The following COL24A1 variants were observed in gnomAD, a reference collection of about 807,000 sequenced individuals.
The protein encoded by COL24A1 is collagen alpha-1(XXIV) chain.
Under a neutral mutation model 253.9 loss-of-function variants are expected in COL24A1, and 224 were observed. That is an observed-to-expected ratio of 0.88 (90% confidence interval 0.79 to 0.99). The LOEUF is 0.99. Ranked by LOEUF, COL24A1 falls within the 50% of genes least tolerant of loss-of-function variation. The pLI, the probability that COL24A1 is intolerant of heterozygous loss-of-function variation, is 0.00. For synonymous variants in COL24A1, 685 were observed against 673.7 expected (o/e 1.02, Z -0.26); for missense variants, 2,131 against 2,068.5 (o/e 1.03, Z -0.59).
At chr1:85,827,358 G>A (rs1674510262) in intron 43 of COL24A1, among the ~76,000 whole-genome samples, 1 of 151,154 alleles carries the variant, frequency 6.6e-6, no homozygotes, top group African/African-American at 2.4e-5. Context: ...TTGCATCAAT[G>A]TTCATCAAGG....
chr1:86,046,001 A>G (rs1699873648), intron 12 of COL24A1: 1 of 265,280 alleles, frequency 3.8e-6, no homozygotes, highest in Non-Finnish European at 7.6e-6. Flanking sequence ...TGATCTGAGC[A>G]AGTCTTTTAA....
At chr1:85,788,672 C>T (rs191782127) in intron 47 of COL24A1, among the ~76,000 whole-genome samples, 73 of 152,248 alleles carry the variant, frequency 4.8e-4, no homozygotes, top group South Asian at 2.1e-4. Context: ...CCTAGATTTT[C>T]TTCTAGGGTT....
rs554954821 is a variant in COL24A1 at position 85,842,419 on chromosome 1, A to G, written c.3463-26T>C. 32 of 1,432,894 alleles carry G rather than the reference A, an allele frequency of 2.2e-5. No homozygotes were observed. In the African/African-American group the frequency reaches 4.5e-4, roughly 20 times the overall value. The allele number at this position is 1,432,894 out of a possible 1,614,324, so 88.8% of individuals were successfully genotyped here. A position where few individuals can be genotyped will look rare whatever the true frequency, so the allele number is the denominator to read the frequency against. On this transcript the variant is annotated intron_variant, in intron 39 of 59. Transcript: ENST00000370571. ...CTGAAAAACAAAGTAAATATTAGTG[A>G]GAGAGAGAAAGTAAAGAATTGTTTA...
Position 85,772,640 on chromosome 1 carries a change from A to G in COL24A1, c.4374+3034T>C, listed in dbSNP as rs1668105168. Among the ~76,000 whole-genome samples, 2 of 152,070 alleles carry G rather than the reference A, an allele frequency of 1.3e-5. 1 individual carries two copies. Among genetic ancestry groups the G allele is most frequent in the South Asian group, 4.1e-4 (2 of 4,822 alleles). ...GACCAGTGATGATGAGCATTTTTTCACATGTCTGTTGGCTGCATAAATGTC... is the reference window on the plus strand; with the variant it reads ...GACCAGTGATGATGAGCATTTTTTCGCATGTCTGTTGGCTGCATAAATGTC... On this transcript the variant is annotated intron_variant, in intron 53 of 59. Coordinates refer to ENST00000370571, the MANE Select transcript of COL24A1 (RefSeq NM_152890.7).
At chr1:85,742,122 C>T (rs1298343656) in intron 57 of COL24A1, among the ~76,000 whole-genome samples, 4 of 138,782 alleles carry the variant, frequency 2.9e-5, no homozygotes. Context: ...AGTTTTTAGA[C>T]CTCATTTCTT....
At chr1:85,857,311 C>T (rs1678543272) in intron 37 of COL24A1, among the ~76,000 whole-genome samples, 1 of 151,636 alleles carries the variant, frequency 6.6e-6, no homozygotes, top group Non-Finnish European at 1.5e-5. Flanking sequence ...GTGATCACTA[C>T]TCTAGGAATA....
At position 85,838,634 on chromosome 1, in the gene COL24A1, G is replaced by A. The variant is rs147006450; in HGVS notation, c.3632C>T (p.Pro1211Leu). The change falls in exon 43 of 60, where the codon CCA becomes CTA. Residue 1211 changes from proline to leucine, a missense_variant. By Grantham distance (98) the Pro-to-Leu change is moderately conservative. Coordinates refer to ENST00000370571, the MANE Select transcript of COL24A1 (RefSeq NM_152890.7). The part of the protein sequence containing the change: ...GPPGPRGEPG[P>L]VGDQGERGEP... ...TCCTCTCTCTCCTTGGTCCCCCACT[G>A]GACCCTACAGAGACCACACACAAAA... 306 of 1,613,780 alleles carry A rather than the reference G, an allele frequency of 1.9e-4. No individual in the cohort carries two copies. The East Asian group carries it at 4.1e-3, about 22-fold the overall frequency.
At chr1:86,025,883 T>C (rs1311661873) in intron 14 of COL24A1, among the ~76,000 whole-genome samples, 1 of 152,160 alleles carries the variant, frequency 6.6e-6, no homozygotes, top group Non-Finnish European at 1.5e-5. Context: ...CCCACCCCAT[T>C]CATATACAAT....
At chr1:86,039,541 C>T (rs1202267605) in intron 12 of COL24A1, among the ~76,000 whole-genome samples, 1 of 152,108 alleles carries the variant, frequency 6.6e-6, no homozygotes, top group African/African-American at 2.4e-5. Flanking sequence ...TTCTGGAGAA[C>T]ATATTTTGTT....
chr1:85,748,769 G>C (rs1665587955), intron 55 of COL24A1, among the ~76,000 whole-genome samples: 1 of 121,652 alleles, frequency 8.2e-6, no homozygotes, highest in African/African-American at 3.1e-5. Context: ...AGAAAGGGGT[G>C]ACGGACGCAC....
At chr1:85,825,395 TGTCTTTATAGCAGCATGA>T (rs1215435801) in intron 43 of COL24A1, among the ~76,000 whole-genome samples, 1 of 152,216 alleles carries the variant, frequency 6.6e-6, no homozygotes, top group Non-Finnish European at 1.5e-5. Context: ...CCTGTGCATG[TGTCTTTATAGCAGCATGA>T]TTTATAGTCC....
At chr1:85,777,695 T>A (rs1668699641) in intron 52 of COL24A1, among the ~76,000 whole-genome samples, 1 of 152,198 alleles carries the variant, frequency 6.6e-6, no homozygotes, top group Non-Finnish European at 1.5e-5. Flanking sequence ...CAAGTGGAAC[T>A]GTTTTGTTAA....
chr1:85,735,036 G>A, intron 58 of COL24A1, 72 bp from the exon 59 acceptor site: 1 of 1,445,680 alleles, frequency 6.9e-7, no homozygotes, highest in Non-Finnish European at 9.5e-7. Context: ...GAAAACCTGA[G>A]GAAAAGTCCT....
At chr1:85,875,433 A>G (rs1681042096) in intron 33 of COL24A1, 103 bp from the exon 34 acceptor site, 2 of 817,018 alleles carry the variant, frequency 2.4e-6, no homozygotes, top group Non-Finnish European at 4.2e-6. Context: ...CCAAAAGGGC[A>G]TAATTGCTGT....
Position 85,849,644 on chromosome 1 carries a change from T to G in COL24A1, c.3301-238A>C, listed in dbSNP as rs186704198. On this transcript the variant is annotated intron_variant, in intron 37 of 59. Coordinates refer to ENST00000370571, the MANE Select transcript of COL24A1 (RefSeq NM_152890.7). ...CTGGCCAAGAGAGTCTTAATTACAC[T>G]GTTCATTATTCTAGGTGGAACATTA... Among the ~76,000 whole-genome samples the G allele has an allele frequency of 9.7e-4, 147 of 152,310 alleles. 2 individuals carry two copies. In the East Asian group the frequency reaches 0.022, roughly 23 times the overall value.
intron 35 of COL24A1, among the ~76,000 whole-genome samples, chr1:85,871,105 T>G (rs1056696660): frequency 3.0e-4 from 45 of 151,888 alleles, no homozygotes; most frequent in Non-Finnish European, 1.8e-4. Flanking sequence ...TAGAAGAAAT[T>G]GATAAATTCC....
intron 24 of COL24A1, among the ~76,000 whole-genome samples, chr1:85,933,379 C>G (rs1451633464): frequency 6.6e-6 from 1 of 150,538 alleles, no homozygotes; most frequent in East Asian, 1.9e-4. Context: ...TTTTAACACA[C>G]TATTATTATG....
At chr1:86,151,154 T>A (rs949178243) in intron 1 of COL24A1, among the ~76,000 whole-genome samples, 11 of 152,064 alleles carry the variant, frequency 7.2e-5, no homozygotes, top group Non-Finnish European at 1.2e-4. Context: ...ACCACAAAAC[T>A]GTAACGGTCT....
chr1:85,902,115 C>T (rs1178832704), intron 28 of COL24A1, among the ~76,000 whole-genome samples: 1 of 152,162 alleles, frequency 6.6e-6, no homozygotes, highest in African/African-American at 2.4e-5. Flanking sequence ...ACAAATGCCA[C>T]ATGTTCTCAC....
Sources: allele counts gnomAD v4.1 joint callset (sites outside exome capture counted in the v4.1 genomes callset), GRCh38; gene constraint gnomAD v4.1.1; transcripts MANE v1.5; gene names NCBI Gene and HGNC (gene_info 2026-07-23, HGNC 2026-07-21).